Variants in SEMA3A observed in about 807,000 individuals in gnomAD.
SEMA3A encodes the protein semaphorin 3A.
A neutral mutation model predicts 97.9 loss-of-function variants in SEMA3A; 29 were observed. The ratio of observed to expected loss-of-function variants is 0.30; its 90% CI spans 0.22 to 0.40. The LOEUF (loss-of-function observed/expected upper bound fraction) is 0.40. Ranked by LOEUF, SEMA3A falls within the 10% of genes least tolerant of loss-of-function variation. SEMA3A has a pLI of 1.00. For missense variants in SEMA3A, 763 were observed against 951.3 expected (o/e 0.80, Z 2.60); for synonymous variants, 321 against 323.7 (o/e 0.99, Z 0.09).
intron 3 of SEMA3A, among the ~76,000 whole-genome samples, chr7:84,200,214 T>C (rs547148248): frequency 2.2e-4 from 34 of 152,138 alleles, no homozygotes; most frequent in Non-Finnish European, 4.6e-4. Flanking sequence ...ATGTTTATGA[T>C]ACTTTAAGGT....
intron 1 of SEMA3A, among the ~76,000 whole-genome samples, chr7:84,416,100 T>C (rs1012337504): frequency 6.6e-6 from 1 of 152,134 alleles, no homozygotes; most frequent in African/African-American, 2.4e-5. Context: ...CTAAAAGTAC[T>C]GATATGGTTT....
chr7:84,277,650 C>T (rs988428087), intron 3 of SEMA3A, among the ~76,000 whole-genome samples: 1 of 152,092 alleles, frequency 6.6e-6, no homozygotes, highest in African/African-American at 2.4e-5. Flanking sequence ...TTAATTGGCT[C>T]ATGGTTCTAC....
chr7:84,002,930 T>C (rs1398839924), intron 11 of SEMA3A, among the ~76,000 whole-genome samples: 2 of 152,140 alleles, frequency 1.3e-5, no homozygotes, highest in African/African-American at 4.8e-5. Flanking sequence ...GTATTACAGA[T>C]ATGTTCCTAT....
At chr7:84,001,360 T>C (rs1790442750) in intron 12 of SEMA3A, among the ~76,000 whole-genome samples, 1 of 144,380 alleles carries the variant, frequency 6.9e-6, no homozygotes, top group Admixed American at 7.1e-5. Flanking sequence ...CCTATACAAA[T>C]CCCCCTGGGC....
In SEMA3A at chr7:84,088,251, C is replaced by T. The variant is rs190277078; in HGVS notation, c.453+22219G>A. 4.6e-5 allele frequency among the ~76,000 whole-genome samples: 7 copies of T among 152,004 alleles called. No individual in the cohort carries two copies. The East Asian group carries it at 1.2e-3, about 25-fold the overall frequency. ...CGGGTGGATCACAAGGTCGGGAGAT[C>T]GAGACCATCCTGGCTAACACGGTGA... On this transcript the variant is annotated intron_variant, in intron 4 of 16. Coordinates refer to ENST00000265362, the MANE Select transcript of SEMA3A (RefSeq NM_006080.3).
At chr7:84,487,456 G>A (rs1008729180) in intron 1 of SEMA3A, among the ~76,000 whole-genome samples, 14 of 152,130 alleles carry the variant, frequency 9.2e-5, no homozygotes, top group Non-Finnish European at 2.1e-4. Flanking sequence ...TGGAACATGA[G>A]CCAGAAGCAA....
At chr7:84,349,778 T>C (rs1181033591) in intron 2 of SEMA3A, among the ~76,000 whole-genome samples, 1 of 152,218 alleles carries the variant, frequency 6.6e-6, no homozygotes, top group Non-Finnish European at 1.5e-5. Flanking sequence ...ACCTTATTGT[T>C]AGCTTGTCTT....
At position 83,959,035 on chromosome 7, in the gene SEMA3A, A is replaced by G. The variant is rs1381053838; in HGVS notation, c.*2336T>C. 2 of 152,082 alleles carry G rather than the reference A, an allele frequency of 1.3e-5. No individual in the cohort carries two copies. The highest frequency in any genetic ancestry group is 2.9e-5 in the Non-Finnish European group (2 of 67,940). The allele number at this position is 152,082 out of a possible 1,614,324, so 9.4% of individuals were successfully genotyped here. ...AATGAGTTATCTGCAAGTTATATCT[A>G]CAATTTTCTTTGAAAACTTAGACCT... On this transcript the variant is annotated 3_prime_UTR_variant, in exon 17 of 17. Transcript: ENST00000265362.
chr7:84,368,338 C>A (rs1402454102), intron 2 of SEMA3A, among the ~76,000 whole-genome samples: 2 of 150,938 alleles, frequency 1.3e-5, no homozygotes, highest in African/African-American at 4.8e-5. Context: ...ATGTCACAAC[C>A]ACTTATGGAT....
intron 3 of SEMA3A, among the ~76,000 whole-genome samples, chr7:84,305,159 G>A (rs138341808): frequency 1.3e-5 from 2 of 150,412 alleles, no homozygotes; most frequent in African/African-American, 2.4e-5. Context: ...TACTGTCTAC[G>A]CTTTTAAATA....
intron 3 of SEMA3A, among the ~76,000 whole-genome samples, chr7:84,276,593 T>C (rs112554459): frequency 6.6e-6 from 1 of 152,098 alleles, no homozygotes; most frequent in Admixed American, 6.6e-5. Context: ...TAATTTCAAA[T>C]AGCACTGATT....
chr7:83,994,460 G>C (rs1368042563), intron 12 of SEMA3A, among the ~76,000 whole-genome samples: 1 of 122,098 alleles, frequency 8.2e-6, no homozygotes, highest in Non-Finnish European at 1.7e-5. Context: ...TCTACTTTTG[G>C]TCTTTGATGA....
chr7:84,158,449 G>A (rs1584055283), intron 1 of SEMA3A, among the ~76,000 whole-genome samples: 3 of 152,076 alleles, frequency 2.0e-5, no homozygotes, highest in African/African-American at 4.8e-5. Context: ...ACCACACCTG[G>A]CCAACAGTTA....
At chr7:84,447,765 G>A (rs1805456302) in intron 1 of SEMA3A, among the ~76,000 whole-genome samples, 1 of 152,172 alleles carries the variant, frequency 6.6e-6, no homozygotes, top group African/African-American at 2.4e-5. Context: ...GGTTTGAAAC[G>A]GCTCCCCCAA....
In SEMA3A at chr7:84,322,254, T is replaced by C. The variant is rs564792531; in HGVS notation, c.-168-14962A>G. ...GGTGGGGACACAGAGCCAAACCATA[T>C]CATACTACTTACTCCATAGTGTTGT... On this transcript the variant is annotated intron_variant, in intron 2 of 3. Transcript: ENST00000424555. Among the ~76,000 whole-genome samples, 6 of 152,130 alleles carry C rather than the reference T, an allele frequency of 3.9e-5. No homozygotes were observed. The East Asian group carries it at 9.7e-4, about 25-fold the overall frequency.
intron 2 of SEMA3A, among the ~76,000 whole-genome samples, chr7:84,350,422 A>G (rs1037331522): frequency 6.6e-6 from 1 of 152,128 alleles, no homozygotes; most frequent in Non-Finnish European, 1.5e-5. Context: ...TTCTAATTGA[A>G]TAAAAGTTTT....
chr7:84,484,044 C>T (rs1377529622), intron 1 of SEMA3A, among the ~76,000 whole-genome samples: 1 of 125,422 alleles, frequency 8.0e-6, no homozygotes, highest in African/African-American at 2.9e-5. Context: ...AACTCTGTCT[C>T]AAAAAAAAGA....
intron 6 of SEMA3A, among the ~76,000 whole-genome samples, chr7:84,030,228 T>A (rs191731647): frequency 6.6e-6 from 1 of 152,186 alleles, no homozygotes; most frequent in East Asian, 1.9e-4. Context: ...GTAATTTATA[T>A]GATTTTACTT....
intron 1 of SEMA3A, among the ~76,000 whole-genome samples, chr7:84,477,288 A>G (rs1806315148): frequency 6.6e-6 from 1 of 150,454 alleles, no homozygotes; most frequent in Non-Finnish European, 1.5e-5. Flanking sequence ...AATACAAAAA[A>G]ATTAGCCAGG....
Sources: gnomAD v4.1 joint callset for allele counts (sites outside exome capture counted in the v4.1 genomes callset) on GRCh38, gnomAD v4.1.1 for gene constraint, MANE v1.5 for transcripts, NCBI Gene and HGNC (gene_info 2026-07-23, HGNC 2026-07-21) for gene names.